RSRP1: variants seen among roughly 807,000 people sequenced by gnomAD.
RSRP1 encodes the protein arginine and serine rich protein 1.
In RSRP1, 37 loss-of-function variants were observed where a neutral mutation model predicts 33.0. The observed-to-expected ratio is 1.12, with a 90% CI of 0.86 to 1.48. The LOEUF (loss-of-function observed/expected upper bound fraction) is 1.48. Ranked by LOEUF, RSRP1 falls within the 40% of genes most tolerant of loss-of-function variation. RSRP1 has a pLI of 0.00. For missense variants in RSRP1, 402 were observed against 385.3 expected (o/e 1.04, Z -0.36); for synonymous variants, 167 against 158.7 (o/e 1.05, Z -0.40).
chr1:25,262,068 G>A (rs867360910), intron 1 of RSRP1, among the ~76,000 whole-genome samples: 2 of 152,082 alleles, frequency 1.3e-5, no homozygotes, highest in African/African-American at 4.8e-5. Flanking sequence ...AACTATAATA[G>A]CTATGTCTAT....
intron 1 of RSRP1, among the ~76,000 whole-genome samples, chr1:25,311,632 A>G: frequency 7.7e-6 from 1 of 129,934 alleles, no homozygotes; most frequent in East Asian, 2.0e-4. Flanking sequence ...AGAGATCTTC[A>G]AGACTGCCCC....
intron 1 of RSRP1, among the ~76,000 whole-genome samples, chr1:25,280,387 C>T (rs1338818223): frequency 3.2e-5 from 4 of 125,422 alleles, no homozygotes; most frequent in African/African-American, 1.1e-4. Flanking sequence ...CTCACTGCAA[C>T]CTCAGCCTTC....
In RSRP1 at chr1:25,246,459, G is replaced by GA. The variant is rs757501267; in HGVS notation, c.504dup (p.Arg169SerfsTer4). 1.1e-4 allele frequency: 170 copies of GA among 1,613,044 alleles called. 1 individual carries two copies. The East Asian group carries it at 3.7e-3, about 36-fold the overall frequency. On this transcript the variant is annotated frameshift_variant, in exon 2 of 5. Transcript: ENST00000243189. LOFTEE classifies it high-confidence loss of function. ...ACCCACCCACCTTTTTCACTTAAGC[G>GA]AAAGGGGGTTCTGCTCCGCGACCTC... is the stretch of plus-strand genomic sequence containing the variant.
At chr1:25,336,432 C>G (rs1043390794) in intron 1 of RSRP1, 1 of 145,324 alleles carries the variant, frequency 6.9e-6, no homozygotes, top group Admixed American at 6.7e-5. Flanking sequence ...GGGTGGCTGG[C>G]TTTTGCTATT....
rs1300325822 is a variant in RSRP1 at position 25,276,547 on chromosome 1, A to G, written c.-66-29518T>C. Among the ~76,000 whole-genome samples, 3 of 125,046 alleles carry G rather than the reference A, an allele frequency of 2.4e-5. 1 individual carries two copies. The highest frequency in any genetic ancestry group is 2.3e-4 in the Admixed American group (3 of 12,788). The allele number at this position is 125,046 out of a possible 152,430, so 82.0% of individuals were successfully genotyped here. A position where few individuals can be genotyped will look rare whatever the true frequency, so the allele number is the denominator to read the frequency against. On this transcript the variant is annotated intron_variant, in intron 1 of 1. Coordinates refer to the RSRP1 transcript ENST00000561867. ...CCCCCATCTCTAAAAAAAAAAAAAA[A>G]AAAAAAAACTTTAAAATTTAACCCA...
At position 25,304,595 on chromosome 1, in the gene RSRP1, C is replaced by T. The variant is rs1207992536; in HGVS notation, c.-67+33383G>A. 2 of 121,626 alleles carry T rather than the reference C, an allele frequency of 1.6e-5. 1 individual carries two copies. The highest frequency in any genetic ancestry group is 3.8e-5 in the Non-Finnish European group (2 of 52,778). The allele number at this position is 121,626 out of a possible 1,614,324, so 7.5% of individuals were successfully genotyped here. ...CCTGGGCGACAGAACAAGACTCTGTCTTAAAAAAAAAAAAAGTGGTTTATA... is the reference window on the plus strand; with the variant it reads ...CCTGGGCGACAGAACAAGACTCTGTTTTAAAAAAAAAAAAAGTGGTTTATA... On this transcript the variant is annotated intron_variant, in intron 1 of 1. Transcript: ENST00000561867.
chr1:25,242,526 T>A lies in RSRP1; in HGVS notation c.*63A>T. 9.7e-7 allele frequency: 1 copy of A among 1,035,314 alleles called. No individual in the cohort carries two copies. Among genetic ancestry groups the A allele is most frequent in the South Asian group, 1.4e-5 (1 of 72,260 alleles). 64.1% of individuals were successfully genotyped at this position (1,035,314 alleles called of 1,614,324 possible). A position where few individuals can be genotyped will look rare whatever the true frequency, so the allele number is the denominator to read the frequency against. On this transcript the variant is annotated 3_prime_UTR_variant, in exon 5 of 5. Transcript: ENST00000243189. Reference sequence around the variant, plus strand: ...ATGGCTCAAAGGGATGGGATAATGCTAGAAACACTAACTTGCAATAAAGTG... The same window carrying A: ...ATGGCTCAAAGGGATGGGATAATGCAAGAAACACTAACTTGCAATAAAGTG...
intron 1 of RSRP1, among the ~76,000 whole-genome samples, chr1:25,292,331 C>T (rs1291907624): frequency 2.3e-5 from 3 of 132,542 alleles, no homozygotes; most frequent in African/African-American, 7.7e-5. Context: ...TCAGAAAAGA[C>T]TGAAGGGGCA....
intron 1 of RSRP1, among the ~76,000 whole-genome samples, chr1:25,283,690 A>G (rs2124618227): frequency 7.5e-6 from 1 of 134,180 alleles, no homozygotes; most frequent in South Asian, 2.2e-4. Context: ...TGATTAAAAC[A>G]GCGTAGGCAC....
At chr1:25,312,917 C>T (rs1341144595) in intron 1 of RSRP1, among the ~76,000 whole-genome samples, 1 of 5,970 alleles carries the variant, frequency 1.7e-4, no homozygotes, top group Non-Finnish European at 7.4e-4. Flanking sequence ...AAAATCCCAT[C>T]TCTAAAAAAA....
intron 1 of RSRP1, among the ~76,000 whole-genome samples, chr1:25,286,870 A>G (rs538132443): frequency 2.2e-5 from 3 of 134,436 alleles, no homozygotes. Context: ...TAGCAGGTGG[A>G]TTACCTGAGG....
At chr1:25,309,788 C>G (rs1208458813) in intron 1 of RSRP1, among the ~76,000 whole-genome samples, 8 of 132,114 alleles carry the variant, frequency 6.1e-5, no homozygotes, top group East Asian at 2.0e-4. Flanking sequence ...ATAGCTCACT[C>G]ACAGGGCTGC....
At chr1:25,337,233 T>C (rs900738943) in intron 1 of RSRP1, 5 of 151,610 alleles carry the variant, frequency 3.3e-5, no homozygotes, top group African/African-American at 1.2e-4. Context: ...CAAGGAGGGC[T>C]ACCGAGCACC....
intron 1 of RSRP1, among the ~76,000 whole-genome samples, chr1:25,318,925 T>A (rs1644555240): frequency 7.5e-6 from 1 of 133,148 alleles, no homozygotes; most frequent in African/African-American, 2.6e-5. Flanking sequence ...ATACCATGTC[T>A]GGCCTTAGCT....
intron 1 of RSRP1, chr1:25,266,910 G>A (rs1281375032): frequency 1.6e-5 from 2 of 121,756 alleles, no homozygotes; most frequent in Admixed American, 1.5e-4. Context: ...GGGCTACCGA[G>A]CACCTCCCGG....
At chr1:25,253,918 G>A (rs1639868845) in intron 1 of RSRP1, 1 of 152,210 alleles carries the variant, frequency 6.6e-6, no homozygotes, top group Non-Finnish European at 1.5e-5. Flanking sequence ...GATTAGAGGA[G>A]CGTATCCAAA....
chr1:25,283,456 A>G (rs1452786952), intron 1 of RSRP1, among the ~76,000 whole-genome samples: 1 of 130,706 alleles, frequency 7.7e-6, no homozygotes, highest in African/African-American at 2.6e-5. Flanking sequence ...ACTTGAACCC[A>G]GGAGGCAGAG....
At chr1:25,261,411 T>G (rs1375220690) in intron 1 of RSRP1, among the ~76,000 whole-genome samples, 3 of 151,356 alleles carry the variant, frequency 2.0e-5, no homozygotes, top group African/African-American at 7.3e-5. Flanking sequence ...TCTTTCTTTT[T>G]TTTTTTTTTT....
At chr1:25,301,186 A>G (rs879113027) in intron 1 of RSRP1, 3 of 1,151,082 alleles carry the variant, frequency 2.6e-6, no homozygotes, top group South Asian at 2.5e-5. Context: ...TCCTTTACCA[A>G]GTTCCCCTGG....
Sources: gnomAD v4.1 joint callset for allele counts (sites outside exome capture counted in the v4.1 genomes callset) on GRCh38, gnomAD v4.1.1 for gene constraint, MANE v1.5 for transcripts, NCBI Gene and HGNC (gene_info 2026-07-23, HGNC 2026-07-21) for gene names.